CATSPERB: variants seen among roughly 807,000 people sequenced by gnomAD.
The protein encoded by CATSPERB is cation channel sperm-associated auxiliary subunit beta.
A neutral mutation model predicts 128.3 loss-of-function variants in CATSPERB; 93 were observed. The observed-to-expected ratio is 0.72, with a 90% confidence interval of 0.61 to 0.86. The LOEUF (loss-of-function observed/expected upper bound fraction) is 0.86, where lower values mean the gene tolerates loss of function less well. Ranked by LOEUF, CATSPERB falls within the 40% of genes least tolerant of loss-of-function variation. CATSPERB has a pLI of 0.00. For synonymous variants in CATSPERB, 381 were observed against 448.8 expected, an observed-to-expected ratio of 0.85 and a Z score of 1.91; for missense variants, 1,153 against 1,329.5, an observed-to-expected ratio of 0.87 and a Z score of 2.06.
intron 14 of CATSPERB, among the ~76,000 whole-genome samples, chr14:91,664,603 C>T (rs1046858660): frequency 1.3e-5 from 2 of 152,086 alleles, no homozygotes; most frequent in African/African-American, 2.4e-5. Context: ...AATAATAATC[C>T]ATCATCTGGA....
At chr14:91,723,024 A>G in intron 4 of CATSPERB, 25 bp downstream of exon 4, 3 of 1,462,028 alleles carry the variant, frequency 2.1e-6, no homozygotes, top group Non-Finnish European at 1.8e-6. Context: ...ATAACATATC[A>G]CAGAGTAAGA....
chr14:91,594,327 T>C (rs1033164428), intron 22 of CATSPERB, among the ~76,000 whole-genome samples: 8 of 145,004 alleles, frequency 5.5e-5, no homozygotes, highest in Admixed American at 2.1e-4. Flanking sequence ...GGGACTGTTG[T>C]GGGGTGGGGG....
chr14:91,674,755 A>G lies in CATSPERB; in HGVS notation c.932-533T>C, dbSNP rs562529445. On this transcript the variant is annotated intron_variant, in intron 11 of 26. Coordinates refer to ENST00000256343, the MANE Select transcript of CATSPERB (RefSeq NM_024764.4). The stretch of plus-strand genomic sequence containing the variant: ...AAATCAGACATGGAGACTCAGTTGT[A>G]AAATTCCAGAGATTACCTCAAGGAG... Among the ~76,000 whole-genome samples, 1,179 of 152,324 alleles carry G rather than the reference A, an allele frequency of 7.7e-3. 8 individuals are homozygous for G. Among genetic ancestry groups the G allele is most frequent in the Non-Finnish European group, 0.012 (850 of 68,022 alleles).
chr14:91,690,349 C>A (rs1895445227), intron 10 of CATSPERB, among the ~76,000 whole-genome samples: 1 of 151,874 alleles, frequency 6.6e-6, no homozygotes, highest in East Asian at 1.9e-4. Flanking sequence ...TAAGTGCATA[C>A]CTTGTGTCAG....
At chr14:91,589,281 A>C (rs575097861) in intron 24 of CATSPERB, among the ~76,000 whole-genome samples, 2 of 152,338 alleles carry the variant, frequency 1.3e-5, no homozygotes, top group South Asian at 4.1e-4. Flanking sequence ...TGATCCACAA[A>C]ATGACCTTCA....
chr14:91,691,618 A>G lies in CATSPERB; in HGVS notation c.832-63T>C, dbSNP rs1017579885. Reference sequence around the variant, plus strand: ...ATCAGAAGGCCTAACAAAACATAGCAATTTAAATTATACTAAAGGAAATAA... The same window carrying G: ...ATCAGAAGGCCTAACAAAACATAGCGATTTAAATTATACTAAAGGAAATAA... On this transcript the variant is annotated intron_variant, in intron 9 of 26. Transcript: ENST00000256343. 1.1e-5 allele frequency: 13 copies of G among 1,211,962 alleles called. No individual in the cohort carries two copies. In the Admixed American group the frequency reaches 2.6e-4, roughly 25 times the overall value. 75.1% of individuals were successfully genotyped at this position (1,211,962 alleles called of 1,614,324 possible).
At position 91,723,134 on chromosome 14, in the gene CATSPERB, CTT is replaced by C. The variant is rs1896062314; in HGVS notation, c.222_223del (p.Ser75CysfsTer16). The C allele has an allele frequency of 1.9e-6, 3 of 1,540,064 alleles. No homozygotes were observed. The African/African-American group carries it at 4.2e-5, about 21-fold the overall frequency. ...AGCAAGTCCTCCTGATGTGAACACA[CTT>C]AGCATTGCTTTTGATGCAATTTCAT... On this transcript the variant is annotated frameshift_variant, in exon 4 of 27. Coordinates refer to ENST00000256343, the MANE Select transcript of CATSPERB (RefSeq NM_024764.4). LOFTEE classifies it high-confidence loss of function.
At position 91,588,025 on chromosome 14, in the gene CATSPERB, G is replaced by T. The variant is rs1431530206; in HGVS notation, c.3010C>A (p.Leu1004Ile). ...GAAGGATTATACACTGCAGCACCAAGAATTGGTTCTACTAATTGTTTCATT... is the reference window on the plus strand; with the variant it reads ...GAAGGATTATACACTGCAGCACCAATAATTGGTTCTACTAATTGTTTCATT... ...KRMKQLVEPI[L>I]GAAVYNPSGL... The change falls in exon 25 of 27, where the codon CTT becomes ATT. Residue 1004 changes from leucine to isoleucine, a missense_variant. Coordinates refer to ENST00000256343, the MANE Select transcript of CATSPERB (RefSeq NM_024764.4). The T allele has an allele frequency of 1.2e-6, 2 of 1,612,378 alleles. No homozygotes were observed. Among genetic ancestry groups the T allele is most frequent in the Non-Finnish European group, 1.7e-6 (2 of 1,178,828 alleles).
At chr14:91,630,194 T>C (rs1894249253) in intron 17 of CATSPERB, among the ~76,000 whole-genome samples, 1 of 152,240 alleles carries the variant, frequency 6.6e-6, no homozygotes, top group Non-Finnish European at 1.5e-5. Flanking sequence ...TCTCTTGGTT[T>C]ATATGGCCCC....
chr14:91,704,415 A>G (rs1365437787), intron 7 of CATSPERB, 137 bp downstream of exon 7: 3 of 810,046 alleles, frequency 3.7e-6, no homozygotes. Flanking sequence ...TACAGTATTG[A>G]ATAATAAATT....
intron 11 of CATSPERB, among the ~76,000 whole-genome samples, chr14:91,674,999 G>A (rs1016373585): frequency 2.0e-5 from 3 of 152,232 alleles, no homozygotes; most frequent in Admixed American, 6.5e-5. Context: ...CCAACTGCTG[G>A]CTTTTGGAAT....
intron 15 of CATSPERB, among the ~76,000 whole-genome samples, chr14:91,654,803 T>C (rs1299729380): frequency 6.6e-6 from 1 of 152,178 alleles, no homozygotes; most frequent in East Asian, 1.9e-4. Flanking sequence ...GGGCAAGACC[T>C]GGTGCTGTGC....
chr14:91,638,317 C>CT (rs1894416182), intron 16 of CATSPERB, among the ~76,000 whole-genome samples: 1 of 151,836 alleles, frequency 6.6e-6, no homozygotes, highest in Non-Finnish European at 1.5e-5. Context: ...AAGATAACTC[C>CT]TTTTTTTGTT....
intron 14 of CATSPERB, among the ~76,000 whole-genome samples, chr14:91,660,515 T>C (rs891343007): frequency 2.0e-5 from 3 of 152,230 alleles, no homozygotes; most frequent in African/African-American, 7.2e-5. Context: ...TTTATTACTA[T>C]AGCATCTTAG....
chr14:91,731,837 A>T (rs988274603), intron 1 of CATSPERB, 93 bp downstream of exon 1: 4 of 152,218 alleles, frequency 2.6e-5, no homozygotes, highest in Non-Finnish European at 5.9e-5. Context: ...CAGTTGGTTC[A>T]TTTATAGTTA....
At chr14:91,712,308 A>G (rs559164227) in intron 5 of CATSPERB, among the ~76,000 whole-genome samples, 5 of 152,318 alleles carry the variant, frequency 3.3e-5, no homozygotes, top group African/African-American at 4.8e-5. Flanking sequence ...TGGTCACAAA[A>G]GCATCACCAA....
chr14:91,678,697 A>G (rs78899683), intron 11 of CATSPERB, among the ~76,000 whole-genome samples: 4,324 of 152,056 alleles, frequency 0.028, 83 homozygotes, highest in South Asian at 0.063. Context: ...GAGTTTACTG[A>G]TTAGATATGT....
At chr14:91,719,814 C>T (rs1438292178) in intron 4 of CATSPERB, among the ~76,000 whole-genome samples, 1 of 152,062 alleles carries the variant, frequency 6.6e-6, no homozygotes, top group East Asian at 1.9e-4. Flanking sequence ...ATGTCAGAGA[C>T]AGAGCTTGAG....
chr14:91,665,142 C>G (rs909871562), intron 14 of CATSPERB, among the ~76,000 whole-genome samples: 1 of 152,126 alleles, frequency 6.6e-6, no homozygotes, highest in Admixed American at 6.5e-5. Flanking sequence ...ATCCACTCAC[C>G]TTGACATCCC....
Sources: allele counts gnomAD v4.1 joint callset (sites outside exome capture counted in the v4.1 genomes callset), GRCh38; gene constraint gnomAD v4.1.1; transcripts MANE v1.5; gene names NCBI Gene and HGNC (gene_info 2026-07-23, HGNC 2026-07-21).